CDH18: variants seen among roughly 807,000 people sequenced by gnomAD.
CDH18 encodes the protein cadherin-18.
In CDH18, 31 loss-of-function variants were observed where a neutral mutation model predicts 67.9. The ratio of observed to expected loss-of-function variants is 0.46; its 90% CI spans 0.34 to 0.62. The LOEUF is 0.62. Among genes scored for constraint, CDH18 ranks in the 20% least tolerant of loss-of-function variants. The pLI, the probability that CDH18 is intolerant of heterozygous loss-of-function variation, is 0.01. For missense variants in CDH18, 890 were observed against 975.5 expected (o/e 0.91, Z 1.17); for synonymous variants, 362 against 347.2 (o/e 1.04, Z -0.48).
intron 1 of CDH18, among the ~76,000 whole-genome samples, chr5:20,411,330 C>G (rs1296703315): frequency 6.6e-6 from 1 of 151,896 alleles, no homozygotes; most frequent in Non-Finnish European, 1.5e-5. Context: ...ACAAAAGTGC[C>G]TACAATACAC....
intron 2 of CDH18, among the ~76,000 whole-genome samples, chr5:19,978,158 C>T (rs1428106471): frequency 1.3e-5 from 2 of 151,910 alleles, no homozygotes; most frequent in Non-Finnish European, 2.9e-5. Flanking sequence ...CATGTTTGGA[C>T]ACAGGAACTG....
intron 6 of CDH18, among the ~76,000 whole-genome samples, chr5:19,598,095 A>AC (rs1221746520): frequency 1.2e-4 from 19 of 152,174 alleles, no homozygotes; most frequent in African/African-American, 4.6e-4. Flanking sequence ...GGCTACAGCT[A>AC]TAAAAAAGGC....
In CDH18 at chr5:20,083,691, T is replaced by C. The variant is rs926770603; in HGVS notation, c.-517-91677A>G. Reference sequence around the variant, plus strand: ...AAAGAAAGAGGGTTAATTGGACTTATAGTTCTGCCTGTCTGGGAAGCCTGA... The same window carrying C: ...AAAGAAAGAGGGTTAATTGGACTTACAGTTCTGCCTGTCTGGGAAGCCTGA... On this transcript the variant is annotated intron_variant, in intron 2 of 14. Transcript: ENST00000507958. Among the ~76,000 whole-genome samples, 5 of 152,206 alleles carry C rather than the reference T, an allele frequency of 3.3e-5. 1 individual carries two copies. Among genetic ancestry groups the C allele is most frequent in the South Asian group, 4.1e-4 (2 of 4,836 alleles).
In CDH18 at chr5:20,545,446, CCAGG is replaced by C. The variant is rs1333764415; in HGVS notation, c.-580+30012_-580+30015del. On this transcript the variant is annotated intron_variant, in intron 1 of 14. Coordinates refer to the CDH18 transcript ENST00000507958. ...CTGCAGAGGACTTCTGCCTAGACAC[CCAGG>C]CATTTCCTCACATCATCTGAAATCT... Among the ~76,000 whole-genome samples the C allele has an allele frequency of 3.9e-5, 6 of 152,324 alleles. No individual in the cohort carries two copies. In the East Asian group the frequency reaches 1.2e-3, roughly 29 times the overall value.
intron 2 of CDH18, among the ~76,000 whole-genome samples, chr5:19,876,922 C>T (rs1787072839): frequency 6.6e-6 from 1 of 152,080 alleles, no homozygotes; most frequent in African/African-American, 2.4e-5. Flanking sequence ...TAAGTCACTT[C>T]TTGGCATGGC....
Position 20,088,338 on chromosome 5 carries a change from T to A in CDH18, c.-517-96324A>T, listed in dbSNP as rs1580210716. The stretch of plus-strand genomic sequence containing the variant: ...AGAACTGACAAAGGGATTGGCCTTG[T>A]TGATCCAATGGTATTCTAGTAATAA... On this transcript the variant is annotated intron_variant, in intron 2 of 14. Transcript: ENST00000507958. 3.9e-5 allele frequency among the ~76,000 whole-genome samples: 6 copies of A among 152,358 alleles called. No homozygotes were observed. In the South Asian group the frequency reaches 1.2e-3, roughly 32 times the overall value.
chr5:20,194,457 A>G (rs529698043), intron 2 of CDH18, among the ~76,000 whole-genome samples: 1 of 152,160 alleles, frequency 6.6e-6, no homozygotes, highest in Admixed American at 6.5e-5. Flanking sequence ...CACAACATTC[A>G]TGTTTATATA....
chr5:20,372,476 C>T (rs1373560381), intron 1 of CDH18, among the ~76,000 whole-genome samples: 1 of 151,518 alleles, frequency 6.6e-6, no homozygotes, highest in Non-Finnish European at 1.5e-5. Context: ...ACTCATTAAG[C>T]AACTTAAGAG....
At chr5:19,495,794 G>C (rs552108553) in intron 11 of CDH18, among the ~76,000 whole-genome samples, 12 of 150,878 alleles carry the variant, frequency 8.0e-5, no homozygotes, top group African/African-American at 2.7e-4. Context: ...GAAAACTGCT[G>C]AAGTGAGATA....
In CDH18 at chr5:20,369,522, G is replaced by A. The variant is rs570806832; in HGVS notation, c.-579-114017C>T. ...CTTTTTCATTTATTTCACCTACTAT[G>A]AAATGTTACGAAGTCATTTTTCTGA... On this transcript the variant is annotated intron_variant, in intron 1 of 14. Coordinates refer to the CDH18 transcript ENST00000507958. Among the ~76,000 whole-genome samples the A allele has an allele frequency of 2.6e-5, 4 of 152,268 alleles. No homozygotes were observed. In the South Asian group the frequency reaches 8.3e-4, roughly 32 times the overall value.
chr5:20,172,214 A>ATACGTATATATATATATACG lies in CDH18; in HGVS notation c.-518+83229_-518+83230insCGTATATATATATATACGTA, dbSNP rs1554098758. On this transcript the variant is annotated intron_variant, in intron 2 of 14. Transcript: ENST00000507958. Reference sequence around the variant, plus strand: ...TGTATATATATATATATATATATATATATATATATGTATATATATATATAT... The same window carrying ATACGTATATATATATATACG: ...TGTATATATATATATATATATATATATACGTATATATATATATACGTATATATATGTATATATATATATAT... Among the ~76,000 whole-genome samples the ATACGTATATATATATATACG allele has an allele frequency of 1.2e-3, 41 of 32,856 alleles. 2 individuals are homozygous for ATACGTATATATATATATACG. Among genetic ancestry groups the ATACGTATATATATATATACG allele is most frequent in the Middle Eastern group, 0.021 (1 of 48 alleles). 21.6% of individuals were successfully genotyped at this position (32,856 alleles called of 152,430 possible). A position where few individuals can be genotyped will look rare whatever the true frequency, so the allele number is the denominator to read the frequency against.
chr5:19,483,518 TCTC>T lies in CDH18; in HGVS notation c.1662_1664del (p.Arg555del), dbSNP rs1561164072. 6.2e-7 allele frequency: 1 copy of T among 1,613,554 alleles called. No individual in the cohort carries two copies. The highest frequency in any genetic ancestry group is 1.1e-5 in the South Asian group (1 of 91,030). ...ACACATCCTGAACAGTTCGACTAAA[TCTC>T]CTCCGCCTTGTCAGAATGCTGGCTG... On this transcript the variant is annotated inframe_deletion, in exon 12 of 13. Coordinates refer to ENST00000382275, the MANE Select transcript of CDH18 (RefSeq NM_004934.5).
At chr5:19,636,768 T>C (rs1442169335) in intron 5 of CDH18, among the ~76,000 whole-genome samples, 2 of 151,334 alleles carry the variant, frequency 1.3e-5, no homozygotes, top group South Asian at 2.1e-4. Context: ...CACAGTTTCT[T>C]ACAAGTTAGC....
At chr5:20,461,959 A>C (rs1292642871) in intron 1 of CDH18, among the ~76,000 whole-genome samples, 1 of 152,184 alleles carries the variant, frequency 6.6e-6, no homozygotes, top group Admixed American at 6.5e-5. Context: ...AACAGTATAA[A>C]GATTTCTGAA....
In CDH18 at chr5:20,115,270, CTTTTTT is replaced by C. The variant is rs753438800; in HGVS notation, c.-517-123262_-517-123257del. Among the ~76,000 whole-genome samples the C allele has an allele frequency of 2.6e-4, 15 of 58,150 alleles. No homozygotes were observed. In the East Asian group the frequency reaches 4.5e-3, roughly 17 times the overall value. The allele number at this position is 58,150 out of a possible 152,430, so 38.1% of individuals were successfully genotyped here. A position where few individuals can be genotyped will look rare whatever the true frequency, so the allele number is the denominator to read the frequency against. ...TGGGGCTCCACTCTCAGGGCCTCAT[CTTTTTT>C]TTTTTTTTTTTTTTTTTTTTTGAGA... is the stretch of plus-strand genomic sequence containing the variant. On this transcript the variant is annotated intron_variant, in intron 2 of 14. Coordinates refer to the CDH18 transcript ENST00000507958.
intron 5 of CDH18, among the ~76,000 whole-genome samples, chr5:19,685,097 C>T (rs967400741): frequency 3.3e-5 from 5 of 152,166 alleles, no homozygotes; most frequent in African/African-American, 1.2e-4. Flanking sequence ...CTTTAACCTA[C>T]TTCTGTGGAA....
At chr5:20,146,878 T>C (rs1249823807) in intron 2 of CDH18, among the ~76,000 whole-genome samples, 2 of 152,038 alleles carry the variant, frequency 1.3e-5, no homozygotes, top group African/African-American at 2.4e-5. Context: ...ATAGACAGAC[T>C]CTCATTTCTA....
intron 5 of CDH18, among the ~76,000 whole-genome samples, chr5:19,665,729 G>A (rs1757819144): frequency 6.6e-6 from 1 of 151,986 alleles, no homozygotes; most frequent in Admixed American, 6.6e-5. Context: ...ATGGGTAATT[G>A]GGTAAGAGAA....
intron 2 of CDH18, among the ~76,000 whole-genome samples, chr5:19,898,520 A>G (rs1789586353): frequency 6.6e-6 from 1 of 152,014 alleles, no homozygotes; most frequent in Non-Finnish European, 1.5e-5. Flanking sequence ...AGCAGAGGGG[A>G]TTACTAATAA....
Sources: allele counts gnomAD v4.1 joint callset (sites outside exome capture counted in the v4.1 genomes callset), GRCh38; gene constraint gnomAD v4.1.1; transcripts MANE v1.5; gene names NCBI Gene and HGNC (gene_info 2026-07-23, HGNC 2026-07-21).